The following STRBP variants were observed in gnomAD, a reference collection of about 807,000 sequenced individuals.
STRBP encodes the protein spermatid perinuclear RNA binding protein.
Under a neutral mutation model 80.1 loss-of-function variants are expected in STRBP, and 13 were observed. The ratio of observed to expected loss-of-function variants is 0.16; its 90% confidence interval spans 0.11 to 0.26. The LOEUF (loss-of-function observed/expected upper bound fraction) is 0.26. Ranked by LOEUF, STRBP falls within the 10% of genes least tolerant of loss-of-function variation. STRBP has a pLI of 1.00. For synonymous variants in STRBP, 284 were observed against 291.2 expected (o/e 0.98, Z 0.25); for missense variants, 485 against 815.2 (o/e 0.59, Z 4.93).
intron 2 of STRBP, among the ~76,000 whole-genome samples, chr9:123,218,439 G>A (rs1019620200): frequency 7.2e-6 from 1 of 138,714 alleles, no homozygotes; most frequent in Non-Finnish European, 1.5e-5. Flanking sequence ...GCGCAATCTC[G>A]GCTCACTGCA....
At chr9:123,203,369 T>C (rs2039396193) in intron 2 of STRBP, among the ~76,000 whole-genome samples, 1 of 151,146 alleles carries the variant, frequency 6.6e-6, no homozygotes, top group South Asian at 2.1e-4. Flanking sequence ...AAAAAAAGAA[T>C]CTAAATTACG....
intron 13 of STRBP, among the ~76,000 whole-genome samples, chr9:123,142,587 T>G (rs1403082656): frequency 6.6e-6 from 1 of 152,186 alleles, no homozygotes; most frequent in Non-Finnish European, 1.5e-5. Context: ...GAAATCCCCC[T>G]TCATCCTGAT....
intron 2 of STRBP, among the ~76,000 whole-genome samples, chr9:123,201,788 C>T (rs2039333808): frequency 6.6e-6 from 1 of 152,202 alleles, no homozygotes; most frequent in African/African-American, 2.4e-5. Flanking sequence ...TTTAAGTCCA[C>T]TGTTTCTCAG....
At chr9:123,172,278 C>T (rs79630874) in intron 5 of STRBP, among the ~76,000 whole-genome samples, 2,138 of 152,100 alleles carry the variant, frequency 0.014, 52 homozygotes, top group African/African-American at 0.049. Context: ...GTAAGAGTAA[C>T]GATGTTTACT....
intron 1 of STRBP, among the ~76,000 whole-genome samples, chr9:123,249,258 A>G (rs149090137): frequency 0.014 from 2,165 of 152,312 alleles, 54 homozygotes; most frequent in African/African-American, 0.049. Flanking sequence ...GTGCATCTGT[A>G]GTCCCAGCTA....
intron 2 of STRBP, among the ~76,000 whole-genome samples, chr9:123,226,703 T>A (rs2040246756): frequency 6.6e-6 from 1 of 152,052 alleles, no homozygotes; most frequent in Non-Finnish European, 1.5e-5. Flanking sequence ...TTAGGTTACA[T>A]CTGTAAACAA....
At chr9:123,203,432 A>C (rs1018321241) in intron 2 of STRBP, among the ~76,000 whole-genome samples, 1 of 152,088 alleles carries the variant, frequency 6.6e-6, no homozygotes, top group South Asian at 2.1e-4. Context: ...CTCTGAGTAA[A>C]TACTTCACAA....
chr9:123,135,475 G>C (rs959932522), intron 16 of STRBP, among the ~76,000 whole-genome samples: 18 of 152,138 alleles, frequency 1.2e-4, no homozygotes, highest in African/African-American at 4.3e-4. Context: ...ATATCCACAA[G>C]CATGTAATTA....
At chr9:123,168,182 A>G (rs1285878269) in intron 6 of STRBP, 1 of 974,486 alleles carries the variant, frequency 1.0e-6, no homozygotes, top group Non-Finnish European at 1.2e-6. Context: ...AGTAGAACAC[A>G]TCTTACCAGA....
intron 2 of STRBP, among the ~76,000 whole-genome samples, chr9:123,220,458 T>G (rs1489397052): frequency 6.6e-6 from 1 of 152,218 alleles, no homozygotes; most frequent in African/African-American, 2.4e-5. Context: ...AAATATGATA[T>G]AATCTCATGG....
chr9:123,145,508 T>C (rs967196071), intron 13 of STRBP, among the ~76,000 whole-genome samples: 14 of 152,178 alleles, frequency 9.2e-5, no homozygotes, highest in African/African-American at 3.1e-4. Context: ...CACTGCATCA[T>C]AGATTTAAAA....
chr9:123,120,379 G>T (rs892489435), downstream of STRBP, among the ~76,000 whole-genome samples: 29 of 151,564 alleles, frequency 1.9e-4, no homozygotes, highest in Admixed American at 1.5e-3. Context: ...AGATGAATGG[G>T]AATTAGGGGA....
At chr9:123,206,695 A>G (rs1011259887) in intron 2 of STRBP, among the ~76,000 whole-genome samples, 5 of 151,516 alleles carry the variant, frequency 3.3e-5, no homozygotes, top group African/African-American at 9.7e-5. Context: ...CTGGAGTGCA[A>G]TAGCGCAATC....
intron 5 of STRBP, among the ~76,000 whole-genome samples, chr9:123,171,596 G>A (rs2038012745): frequency 6.6e-6 from 1 of 152,130 alleles, no homozygotes; most frequent in Admixed American, 6.5e-5. Flanking sequence ...GTGGGCATGT[G>A]TGTACATGTA....
At chr9:123,186,356 T>C (rs1166191707) in intron 2 of STRBP, among the ~76,000 whole-genome samples, 5 of 151,978 alleles carry the variant, frequency 3.3e-5, no homozygotes, top group South Asian at 4.2e-4. Context: ...CTCAAAATAA[T>C]TGAATAGATT....
At chr9:123,248,453 G>A (rs2040845416) in intron 1 of STRBP, among the ~76,000 whole-genome samples, 1 of 151,582 alleles carries the variant, frequency 6.6e-6, no homozygotes, top group Non-Finnish European at 1.5e-5. Context: ...ATTATTTTTA[G>A]TAGAGACGGT....
chr9:123,229,373 A>C (rs1479190118), intron 2 of STRBP, among the ~76,000 whole-genome samples: 1 of 152,224 alleles, frequency 6.6e-6, no homozygotes, highest in South Asian at 2.1e-4. Context: ...AAGAGGGATC[A>C]TATGAGGAAG....
intron 1 of STRBP, among the ~76,000 whole-genome samples, chr9:123,263,496 GC>G (rs1406446850): frequency 1.5e-5 from 2 of 131,816 alleles, no homozygotes; most frequent in African/African-American, 6.1e-5. Flanking sequence ...CCACACTCCA[GC>G]CTGGGCCACA....
chr9:123,190,897 A>G (rs1338358328), intron 2 of STRBP, among the ~76,000 whole-genome samples: 1 of 152,224 alleles, frequency 6.6e-6, no homozygotes, highest in Non-Finnish European at 1.5e-5. Flanking sequence ...TGACAAAACA[A>G]CATTCAGCCA....
Sources: allele counts gnomAD v4.1 joint callset (sites outside exome capture counted in the v4.1 genomes callset), GRCh38; gene constraint gnomAD v4.1.1; transcripts MANE v1.5; gene names NCBI Gene and HGNC (gene_info 2026-07-23, HGNC 2026-07-21).